Variants in PRIM2 observed in about 807,000 individuals in gnomAD.
The protein encoded by PRIM2 is DNA primase subunit 2.
In PRIM2, 39 loss-of-function variants were observed where a neutral mutation model predicts 67.3. The observed-to-expected ratio is 0.58, with a 90% CI of 0.45 to 0.76. The LOEUF (loss-of-function observed/expected upper bound fraction) is 0.76. Ranked by LOEUF, PRIM2 falls within the 30% of genes least tolerant of loss-of-function variation. The pLI is 0.00. For missense variants in PRIM2, 398 were observed against 598.7 expected, an observed-to-expected ratio of 0.66 and a Z score of 3.50; for synonymous variants, 143 against 198.7, an observed-to-expected ratio of 0.72 and a Z score of 2.36.
chr6:57,570,973 A>G, intron 10 of PRIM2, among the ~76,000 whole-genome samples: 1 of 152,292 alleles, frequency 6.6e-6, no homozygotes, highest in Non-Finnish European at 1.5e-5. Flanking sequence ...CACAGGGGCA[A>G]TTTACACATA....
At chr6:57,600,003 C>T (rs1193813638) in intron 10 of PRIM2, among the ~76,000 whole-genome samples, 3 of 152,196 alleles carry the variant, frequency 2.0e-5, no homozygotes, top group Admixed American at 6.5e-5. Flanking sequence ...CTTGTCTGTA[C>T]ATGTCTACCA....
intron 11 of PRIM2, among the ~76,000 whole-genome samples, chr6:57,605,868 T>A (rs1373273323): frequency 3.3e-5 from 5 of 152,324 alleles, no homozygotes; most frequent in South Asian, 2.1e-4. Flanking sequence ...TTCTTTTACA[T>A]TTTCATAGAT....
intron 5 of PRIM2, among the ~76,000 whole-genome samples, chr6:57,330,274 T>C (rs1768007105): frequency 6.6e-6 from 1 of 151,978 alleles, no homozygotes; most frequent in South Asian, 2.1e-4. Context: ...ATTTTTGGAA[T>C]GTTCATTGCT....
chr6:57,454,654 A>G (rs201051932), intron 7 of PRIM2, among the ~76,000 whole-genome samples: 2 of 151,682 alleles, frequency 1.3e-5, no homozygotes, highest in Non-Finnish European at 2.9e-5. Flanking sequence ...TTTTTATTGC[A>G]TCTATTTGAT....
chr6:57,445,319 T>G (rs2127387301), intron 7 of PRIM2, among the ~76,000 whole-genome samples: 1 of 152,326 alleles, frequency 6.6e-6, no homozygotes, highest in African/African-American at 2.4e-5. Flanking sequence ...TGTGTGTGTG[T>G]ATATGAGTAC....
In PRIM2 at chr6:57,430,317, A is replaced by G. The variant is rs1331891668; in HGVS notation, c.693+48149A>G. Among the ~76,000 whole-genome samples the G allele has an allele frequency of 8.6e-4, 131 of 152,314 alleles. 1 individual carries two copies. Among genetic ancestry groups the G allele is most frequent in the South Asian group, 2.1e-3 (10 of 4,828 alleles). On this transcript the variant is annotated intron_variant, in intron 7 of 13. Coordinates refer to ENST00000615550, the MANE Select transcript of PRIM2 (RefSeq NM_000947.5). Reference sequence around the variant, plus strand: ...TTGCTACCCCTTTACATACTTGCTCATAGCATTAAGTAGCTAGTAAAAAAC... The same window carrying G: ...TTGCTACCCCTTTACATACTTGCTCGTAGCATTAAGTAGCTAGTAAAAAAC...
chr6:57,346,602 G>A (rs1307279349), intron 5 of PRIM2, among the ~76,000 whole-genome samples: 3 of 152,156 alleles, frequency 2.0e-5, no homozygotes, highest in African/African-American at 7.2e-5. Context: ...ACAGGCGTGA[G>A]TCACCACGCC....
intron 12 of PRIM2, among the ~76,000 whole-genome samples, chr6:57,622,814 T>A (rs1776883015): frequency 6.6e-6 from 1 of 152,196 alleles, no homozygotes; most frequent in Non-Finnish European, 1.5e-5. Context: ...AGTTAGTGAC[T>A]ATATTAAATC....
the PRIM2 span, among the ~76,000 whole-genome samples, chr6:57,294,244 C>T: frequency 1.3e-5 from 2 of 152,068 alleles, no homozygotes; most frequent in Non-Finnish European, 2.9e-5. Flanking sequence ...CTTTGGGAGG[C>T]GTAGGTGGGT....
At chr6:57,571,694 A>G (rs1775866047) in intron 10 of PRIM2, among the ~76,000 whole-genome samples, 1 of 152,168 alleles carries the variant, frequency 6.6e-6, no homozygotes. Context: ...ACACAACAAC[A>G]GTGAATGCAT....
At chr6:57,467,827 T>C (rs1175679312) in intron 7 of PRIM2, among the ~76,000 whole-genome samples, 3 of 152,230 alleles carry the variant, frequency 2.0e-5, no homozygotes, top group Non-Finnish European at 2.9e-5. Context: ...GTAGTTCTCC[T>C]TCAAGAGGTC....
chr6:57,563,679 T>C (rs1410068674), intron 10 of PRIM2, among the ~76,000 whole-genome samples: 1 of 152,218 alleles, frequency 6.6e-6, no homozygotes, highest in Non-Finnish European at 1.5e-5. Flanking sequence ...TCTTGCTTTG[T>C]CGCCCAGGTT....
chr6:57,240,759 C>T, the PRIM2 span, among the ~76,000 whole-genome samples: 19 of 152,118 alleles, frequency 1.2e-4, no homozygotes, highest in African/African-American at 3.6e-4. Flanking sequence ...ATACAGTATA[C>T]GGTAAATTAA....
chr6:57,613,914 C>T lies in PRIM2; in HGVS notation c.1230+7457C>T, dbSNP rs1407785333. ...TCACCCAGGCTGGAGTGCAATGGTG[C>T]GATCTCTGCTCACTGCAACCTCTGC... is the stretch of plus-strand genomic sequence containing the variant. On this transcript the variant is annotated intron_variant, in intron 12 of 13. Transcript: ENST00000615550. Among the ~76,000 whole-genome samples, 191 of 152,148 alleles carry T rather than the reference C, an allele frequency of 1.3e-3. 1 individual carries two copies. The highest frequency in any genetic ancestry group is 4.1e-4 in the Non-Finnish European group (28 of 68,010).
intron 10 of PRIM2, among the ~76,000 whole-genome samples, chr6:57,566,173 A>ATTTT (rs1160143924): frequency 7.5e-6 from 1 of 134,222 alleles, no homozygotes; most frequent in Non-Finnish European, 1.6e-5. Context: ...TGTATAACCC[A>ATTTT]TTTTTTTTTT....
At position 57,560,651 on chromosome 6, in the gene PRIM2, G is replaced by A. The variant is rs1775607308; in HGVS notation, c.1020+23026G>A. On this transcript the variant is annotated intron_variant, in intron 10 of 13. Transcript: ENST00000615550. ...TTGATCCATGGGCAGCAGAATGGAT[G>A]TTGTGTTAACAAGCATGAAAACATT... Among the ~76,000 whole-genome samples the A allele has an allele frequency of 2.0e-5, 3 of 150,176 alleles. No homozygotes were observed. The South Asian group carries it at 6.4e-4, about 32-fold the overall frequency.
At chr6:57,447,746 A>G (rs1772411735) in intron 7 of PRIM2, among the ~76,000 whole-genome samples, 1 of 152,268 alleles carries the variant, frequency 6.6e-6, no homozygotes, top group Non-Finnish European at 1.5e-5. Flanking sequence ...TTCTTTAAGT[A>G]TAGAAAGAAG....
chr6:57,506,690 A>G (rs1774257818), intron 7 of PRIM2, among the ~76,000 whole-genome samples: 1 of 152,076 alleles, frequency 6.6e-6, no homozygotes, highest in Non-Finnish European at 1.5e-5. Flanking sequence ...TTCTCTTAAG[A>G]ACAGAGAAGA....
chr6:57,222,052 C>G, the PRIM2 span: 4 of 152,462 alleles, frequency 2.6e-5, no homozygotes, highest in Non-Finnish European at 5.9e-5. Context: ...ACCCGCCGCC[C>G]GGCGCCACCG....
Sources: gnomAD v4.1 joint callset for allele counts (sites outside exome capture counted in the v4.1 genomes callset) on GRCh38, gnomAD v4.1.1 for gene constraint, MANE v1.5 for transcripts, NCBI Gene and HGNC (gene_info 2026-07-23, HGNC 2026-07-21) for gene names.